EPHB1: variants seen among roughly 807,000 people sequenced by gnomAD.
EPHB1 encodes the protein ephrin type-B receptor 1.
A neutral mutation model predicts 94.4 loss-of-function variants in EPHB1; 30 were observed. The ratio of observed to expected loss-of-function variants is 0.32; its 90% CI spans 0.24 to 0.43. The LOEUF (loss-of-function observed/expected upper bound fraction) is 0.43. Among genes scored for constraint, EPHB1 ranks in the 20% least tolerant of loss-of-function variants. The pLI is 1.00. For missense variants in EPHB1, 1,055 were observed against 1,308.3 expected (o/e 0.81, Z 2.99); for synonymous variants, 522 against 489.1 (o/e 1.07, Z -0.89).
intron 12 of EPHB1, among the ~76,000 whole-genome samples, chr3:135,238,934 A>G (rs1435991734): frequency 6.6e-6 from 1 of 152,204 alleles, no homozygotes; most frequent in Admixed American, 6.5e-5. Flanking sequence ...ATTGACCTCC[A>G]GGTGTTTGGT....
At chr3:135,000,696 C>T (rs988578382) in intron 3 of EPHB1, among the ~76,000 whole-genome samples, 5 of 152,160 alleles carry the variant, frequency 3.3e-5, no homozygotes, top group Non-Finnish European at 7.3e-5. Flanking sequence ...CAATTGTGTG[C>T]AGTTGGCCCG....
At chr3:135,258,979 A>C (rs373966117) in intron 15 of EPHB1, 33 bp from the exon 16 acceptor site, 68 of 1,526,720 alleles carry the variant, frequency 4.5e-5, no homozygotes, top group Non-Finnish European at 5.8e-5. Context: ...ACCTAACACT[A>C]AAGTGACTTC....
At chr3:134,974,082 C>T (rs1398542791) in intron 3 of EPHB1, among the ~76,000 whole-genome samples, 1 of 152,120 alleles carries the variant, frequency 6.6e-6, no homozygotes. Flanking sequence ...GGAGGAATAT[C>T]CCATTTCTCT....
intron 1 of EPHB1, among the ~76,000 whole-genome samples, chr3:134,821,761 A>T (rs1037472910): frequency 6.6e-6 from 1 of 152,198 alleles, no homozygotes; most frequent in East Asian, 1.9e-4. Context: ...TCTAATACAA[A>T]CAGAAACGTG....
intron 12 of EPHB1, among the ~76,000 whole-genome samples, chr3:135,218,525 G>A (rs898417117): frequency 6.6e-6 from 1 of 152,192 alleles, no homozygotes; most frequent in African/African-American, 2.4e-5. Context: ...AGTGGGTCAG[G>A]TTTCTCAGAA....
intron 12 of EPHB1, among the ~76,000 whole-genome samples, chr3:135,209,593 G>A (rs190790642): frequency 1.8e-4 from 27 of 152,254 alleles, no homozygotes; most frequent in Admixed American, 9.2e-4. Context: ...TGTTAGGGTC[G>A]TGAAAGTCAA....
intron 3 of EPHB1, among the ~76,000 whole-genome samples, chr3:135,058,882 A>G (rs758402310): frequency 1.1e-4 from 16 of 152,214 alleles, no homozygotes; most frequent in African/African-American, 2.9e-4. Flanking sequence ...TAAGTCACCA[A>G]TGGAGGGTTT....
At chr3:134,874,268 A>G (rs973342580) in intron 1 of EPHB1, among the ~76,000 whole-genome samples, 1 of 152,250 alleles carries the variant, frequency 6.6e-6, no homozygotes, top group African/African-American at 2.4e-5. Flanking sequence ...ACACAGGAAC[A>G]GAAAGCCGAA....
Position 135,066,827 on chromosome 3 carries a change from G to T in EPHB1, c.806-39621G>T, listed in dbSNP as rs971243334. The stretch of plus-strand genomic sequence containing the variant: ...GTTTCTTCTCATTTGAGTAGGCTCT[G>T]TCAGAGGGAAAGGGCTGAAGGCTGT... On this transcript the variant is annotated intron_variant, in intron 3 of 15. Coordinates refer to ENST00000398015, the MANE Select transcript of EPHB1 (RefSeq NM_004441.5). Among the ~76,000 whole-genome samples the T allele has an allele frequency of 4.6e-5, 7 of 152,272 alleles. No homozygotes were observed. The East Asian group carries it at 1.4e-3, about 29-fold the overall frequency.
chr3:135,093,202 CTAACA>C (rs1331734922), intron 3 of EPHB1, among the ~76,000 whole-genome samples: 1 of 152,178 alleles, frequency 6.6e-6, no homozygotes, highest in Non-Finnish European at 1.5e-5. Context: ...TTAGGGTACA[CTAACA>C]TGAGTGAGGA....
intron 1 of EPHB1, among the ~76,000 whole-genome samples, chr3:134,853,475 C>T (rs1024222234): frequency 6.6e-6 from 1 of 152,222 alleles, no homozygotes. Context: ...GAGAGAGTTA[C>T]CAAAGATGGC....
chr3:134,883,637 C>A (rs1435970020), intron 1 of EPHB1, among the ~76,000 whole-genome samples: 1 of 152,056 alleles, frequency 6.6e-6, no homozygotes, highest in Non-Finnish European at 1.5e-5. Flanking sequence ...AACAAGTGGC[C>A]CTCAAGGTAT....
chr3:135,238,313 G>T (rs962435702), intron 12 of EPHB1, among the ~76,000 whole-genome samples: 6 of 152,184 alleles, frequency 3.9e-5, no homozygotes, highest in African/African-American at 1.2e-4. Context: ...CTGTCCAGGG[G>T]CTCTTCTCAA....
chr3:134,808,048 T>C (rs1034421885), intron 1 of EPHB1, among the ~76,000 whole-genome samples: 3 of 152,164 alleles, frequency 2.0e-5, no homozygotes, highest in Non-Finnish European at 4.4e-5. Flanking sequence ...ATGAAGTTCA[T>C]AGAGGTCAGA....
intron 1 of EPHB1, among the ~76,000 whole-genome samples, chr3:134,846,031 C>T (rs2036865958): frequency 6.6e-6 from 1 of 152,112 alleles, no homozygotes; most frequent in Admixed American, 6.5e-5. Context: ...CTAAGGTGGT[C>T]ACACCTTTGG....
chr3:135,040,152 T>C (rs1936787551), intron 3 of EPHB1, among the ~76,000 whole-genome samples: 1 of 152,254 alleles, frequency 6.6e-6, no homozygotes, highest in Non-Finnish European at 1.5e-5. Context: ...ATCCACACTC[T>C]GCCACTTACT....
At chr3:135,005,707 A>T (rs1256794100) in intron 3 of EPHB1, among the ~76,000 whole-genome samples, 1 of 152,166 alleles carries the variant, frequency 6.6e-6, no homozygotes, top group Non-Finnish European at 1.5e-5. Flanking sequence ...TTCGGGTGGG[A>T]GTGTCCCGAT....
intron 3 of EPHB1, among the ~76,000 whole-genome samples, chr3:135,031,957 A>G (rs1483010955): frequency 1.3e-5 from 2 of 152,018 alleles, no homozygotes; most frequent in African/African-American, 2.4e-5. Flanking sequence ...TGGGAAAGCC[A>G]GTGACATTTC....
intron 3 of EPHB1, among the ~76,000 whole-genome samples, chr3:134,958,872 G>A (rs1933389997): frequency 6.6e-6 from 1 of 152,158 alleles, no homozygotes; most frequent in South Asian, 2.1e-4. Context: ...TGGCAAGCGG[G>A]AGTTCTGGGT....
Sources: allele counts gnomAD v4.1 joint callset (sites outside exome capture counted in the v4.1 genomes callset), GRCh38; gene constraint gnomAD v4.1.1; transcripts MANE v1.5; gene names NCBI Gene and HGNC (gene_info 2026-07-23, HGNC 2026-07-21).